The following ABCC6 variants were observed in gnomAD, a reference collection of about 807,000 sequenced individuals.
ABCC6 encodes ATP-binding cassette sub-family C member 6.
Under a neutral mutation model 169.5 loss-of-function variants are expected in ABCC6, and 126 were observed. The observed-to-expected ratio is 0.74, with a 90% CI of 0.64 to 0.86. ABCC6 has a LOEUF of 0.86. Ranked by LOEUF, ABCC6 falls within the 40% of genes least tolerant of loss-of-function variation. The pLI is 0.00. For synonymous variants in ABCC6, 752 were observed against 814.7 expected (o/e 0.92, Z 1.31); for missense variants, 1,733 against 1,927.2 (o/e 0.90, Z 1.89).
At chr16:16,169,177 C>A (rs926268132) in intron 22 of ABCC6, among the ~76,000 whole-genome samples, 2 of 152,206 alleles carry the variant, frequency 1.3e-5, no homozygotes, top group Non-Finnish European at 2.9e-5. Flanking sequence ...TATCAGTTTG[C>A]AAAATATCAC....
At chr16:16,188,533 T>A (rs1446039811) in intron 13 of ABCC6, among the ~76,000 whole-genome samples, 3 of 152,098 alleles carry the variant, frequency 2.0e-5, no homozygotes, top group Non-Finnish European at 4.4e-5. Flanking sequence ...AAAAGGGAAC[T>A]GACATGATTG....
intron 4 of ABCC6, among the ~76,000 whole-genome samples, chr16:16,215,720 T>C (rs2048847298): frequency 6.6e-6 from 1 of 151,912 alleles, no homozygotes; most frequent in Admixed American, 6.6e-5. Flanking sequence ...GTGATCCGCC[T>C]GCCTTGGCCT....
At chr16:16,158,035 T>G (rs1220091070) in intron 26 of ABCC6, among the ~76,000 whole-genome samples, 1 of 152,240 alleles carries the variant, frequency 6.6e-6, no homozygotes, top group Non-Finnish European at 1.5e-5. Flanking sequence ...TATTAGCCAC[T>G]GTTTATTATA....
At chr16:16,216,013 G>A (rs2152297351) in intron 4 of ABCC6, among the ~76,000 whole-genome samples, 1 of 152,224 alleles carries the variant, frequency 6.6e-6, no homozygotes, top group African/African-American at 2.4e-5. Flanking sequence ...TCCGTCTCCT[G>A]GATTCAAGTG....
At chr16:16,175,516 A>G (rs557983477) in intron 20 of ABCC6, among the ~76,000 whole-genome samples, 17 of 152,164 alleles carry the variant, frequency 1.1e-4, no homozygotes, top group Non-Finnish European at 5.9e-5. Flanking sequence ...GATGCTGTGC[A>G]TACAGACCCA....
In ABCC6 at chr16:16,203,579, C is replaced by T. The variant is rs201615561; in HGVS notation, c.829G>A (p.Gly277Ser). ...GTCTCTGGAGCCTTCATGCCACTGC[C>T]GCCTTTCCTTTTAAATGCTATTGCC... ...NKAIAFKRKGGSGMKAPETEP... is the reference protein window; with the variant it reads ...NKAIAFKRKGSSGMKAPETEP... Residue 277 changes from glycine (G) to serine (S), a missense_variant, in exon 8 of 31, where the codon GGC (glycine) becomes AGC (serine). This residue lies in a region of ABCC6 where 1,601 missense variants were observed against 1,635.5 expected (regional missense o/e 0.98). Coordinates refer to ENST00000205557, the MANE Select transcript of ABCC6 (RefSeq NM_001171.6). 1.8e-5 allele frequency: 29 copies of T among 1,613,922 alleles called. No individual in the cohort carries two copies. Among genetic ancestry groups the T allele is most frequent in the South Asian group, 9.9e-5 (9 of 91,082 alleles).
intron 22 of ABCC6, 138 bp from the exon 23 acceptor site, chr16:16,166,071 G>T: frequency 1.2e-6 from 1 of 868,748 alleles, no homozygotes; most frequent in Non-Finnish European, 1.8e-6. Flanking sequence ...ATTTTTTTGA[G>T]ACAGGGTCTC....
At chr16:16,194,767 T>TTCCCAA (rs1441988852) in intron 10 of ABCC6, among the ~76,000 whole-genome samples, 1 of 152,142 alleles carries the variant, frequency 6.6e-6, no homozygotes, top group African/African-American at 2.4e-5. Context: ...CTTGGCTCAC[T>TTCCCAA]GCAACCTCTG....
intron 29 of ABCC6, among the ~76,000 whole-genome samples, chr16:16,150,993 T>C (rs2046371558): frequency 1.3e-5 from 2 of 152,224 alleles, no homozygotes; most frequent in South Asian, 2.1e-4. Flanking sequence ...TTCAAACCCT[T>C]TGTGCCTCAG....
intron 18 of ABCC6, 46 bp from the exon 19 acceptor site, chr16:16,177,672 G>A: frequency 6.2e-7 from 1 of 1,608,700 alleles, no homozygotes. Context: ...GCCGGGTGCA[G>A]TGGCTCATGC....
In ABCC6 at chr16:16,165,807, A is replaced by G. The variant is rs759973159; in HGVS notation, c.3122T>C (p.Ile1041Thr). The stretch of plus-strand genomic sequence containing the variant: ...GGAGAAGCGGTTTAGCAGGTGACCA[A>G]TGGGTGTCCGCTCAAAGAAGCTGAT... ...SPISFFERTP[I>T]GHLLNRFSKE... is the part of the protein sequence containing the mutation. Residue 1041 changes from isoleucine to threonine, a missense_variant, in exon 23 of 31, where the codon ATT (isoleucine) becomes ACT (threonine). Physicochemically the swap from Ile to Thr is moderately conservative, Grantham distance 89. Transcript: ENST00000205557. 2.5e-6 allele frequency: 4 copies of G among 1,613,532 alleles called. No individual in the cohort carries two copies. Among genetic ancestry groups the G allele is most frequent in the South Asian group, 2.2e-5 (2 of 91,090 alleles).
chr16:16,219,009 A>C (rs1427139783), intron 4 of ABCC6, among the ~76,000 whole-genome samples: 3 of 101,806 alleles, frequency 2.9e-5, no homozygotes, highest in African/African-American at 4.0e-5. Context: ...AATTGCAGTG[A>C]GCTGAGATCA....
chr16:16,175,069 A>G (rs59328111), intron 20 of ABCC6, among the ~76,000 whole-genome samples: 73,111 of 151,690 alleles, frequency 0.48, 18,373 homozygotes, highest in East Asian at 0.8. Flanking sequence ...GTGAGCCACC[A>G]TGCCCAGCCT....
Position 16,154,685 on chromosome 16 carries a change from A to G in ABCC6, c.4151T>C (p.Val1384Ala), listed in dbSNP as rs754267653. 5.0e-6 allele frequency: 8 copies of G among 1,613,380 alleles called. No individual in the cohort carries two copies. In the Admixed American group the frequency reaches 5.0e-5, roughly 10 times the overall value. The change falls in exon 29 of 31, where the codon GTG (valine) becomes GCG (alanine). Residue 1384 changes from valine to alanine, a missense_variant. Val to Ala is a moderately conservative substitution (Grantham distance 64). Transcript: ENST00000205557. ...CTGCAGCTGGCCGGGCAGGCTGGCC[A>G]CCAAGGCTTTGAGCTGCACCGTCTC... ...ALETVQLKAL[V>A]ASLPGQLQYK...
chr16:16,150,460 G>A, intron 30 of ABCC6, 118 bp downstream of exon 30: 1 of 1,503,104 alleles, frequency 6.7e-7, no homozygotes, highest in Non-Finnish European at 8.9e-7. Flanking sequence ...CTCCCGCTCT[G>A]GCCCCATTCA....
At chr16:16,212,664 A>G (rs1186262284) in intron 5 of ABCC6, among the ~76,000 whole-genome samples, 1 of 151,780 alleles carries the variant, frequency 6.6e-6, no homozygotes, top group African/African-American at 2.4e-5. Flanking sequence ...TCTCCTTGCC[A>G]GGGGTGTAGA....
Position 16,169,647 on chromosome 16 carries a change from T to C in ABCC6, c.2994A>G (p.Gln998=). ...GGIFGLLGCL[Q]AIGLFASMAA... ...ATGAGGAGGGCAGGTGAGGCGTACC[T>C]TGGAGACAGCCGAGGAGCCCGAAGA... The change falls in exon 22 of 31, where the codon CAA becomes CAG. Residue 998 remains glutamine (Q), a splice_region_variant and synonymous_variant. Transcript: ENST00000205557. The C allele has an allele frequency of 6.2e-7, 1 of 1,610,572 alleles. No homozygotes were observed. The highest frequency in any genetic ancestry group is 1.1e-5 in the South Asian group (1 of 90,866).
At chr16:16,162,452 ATAAAT>A (rs1327290745) in intron 24 of ABCC6, among the ~76,000 whole-genome samples, 3 of 152,230 alleles carry the variant, frequency 2.0e-5, no homozygotes, top group African/African-American at 7.2e-5. Context: ...GCAGAATTAA[ATAAAT>A]TAATCTACAT....
rs896973863 is a variant in ABCC6, at chr16:16,198,026, A to G, written c.1333T>C (p.Trp445Arg). The stretch of plus-strand genomic sequence containing the variant: ...GTCTTCCTCCTCTGGCATACCTGCC[A>G]GAGATAGACGAAGCAGACCACGATC... The part of the protein sequence containing the change: ...VWIVVCFVYL[W>R]QLLGPSALTA... The change falls in exon 10 of 31, where the codon TGG (tryptophan) becomes CGG (arginine). Residue 445 changes from tryptophan to arginine, a missense_variant. Physicochemically the swap from Trp to Arg is moderately radical, Grantham distance 101. Transcript: ENST00000205557. 5 of 1,614,002 alleles carry G rather than the reference A, an allele frequency of 3.1e-6. No homozygotes were observed. Among genetic ancestry groups the G allele is most frequent in the Middle Eastern group, 3.3e-4 (2 of 6,082 alleles).
Sources: allele counts gnomAD v4.1 joint callset (sites outside exome capture counted in the v4.1 genomes callset), GRCh38; gene constraint gnomAD v4.1.1; regional missense constraint gnomAD v4.1.1; transcripts MANE v1.5; gene names NCBI Gene and HGNC (gene_info 2026-07-23, HGNC 2026-07-21).